The following DPP10 variants were observed in gnomAD, a reference collection of about 807,000 sequenced individuals.
The protein encoded by DPP10 is dipeptidyl peptidase like 10.
In DPP10, 33 loss-of-function variants were observed where a neutral mutation model predicts 120.9. The observed-to-expected ratio is 0.27, with a 90% confidence interval of 0.21 to 0.37. The LOEUF is 0.37. DPP10 is among the 10% of genes least tolerant of loss of function. The probability of loss-of-function intolerance (pLI) is 1.00; values close to 1 mark genes in which losing one functional copy is unlikely to be tolerated. For synonymous variants in DPP10, 337 were observed against 326.1 expected (o/e 1.03, Z -0.36); for missense variants, 816 against 942.8 (o/e 0.87, Z 1.76).
intron 3 of DPP10, among the ~76,000 whole-genome samples, chr2:115,384,345 G>C (rs2066685686): frequency 2.0e-5 from 3 of 151,786 alleles, no homozygotes; most frequent in Admixed American, 2.0e-4. Flanking sequence ...CTGCACTCCA[G>C]CCTAGATAAC....
At chr2:115,009,224 A>G (rs1702080394) in intron 1 of DPP10, among the ~76,000 whole-genome samples, 1 of 150,606 alleles carries the variant, frequency 6.6e-6, no homozygotes, top group Non-Finnish European at 1.5e-5. Context: ...TGTGGCACAT[A>G]TACACCATGG....
chr2:114,961,937 G>A (rs369791756), intron 1 of DPP10, among the ~76,000 whole-genome samples: 4 of 152,046 alleles, frequency 2.6e-5, no homozygotes, highest in African/African-American at 9.7e-5. Context: ...CTGGGCAACA[G>A]AGTTAGACTC....
intron 1 of DPP10, among the ~76,000 whole-genome samples, chr2:114,884,208 T>G (rs913984288): frequency 1.8e-4 from 28 of 152,320 alleles, no homozygotes; most frequent in Admixed American, 9.2e-4. Flanking sequence ...CCTCTACTGT[T>G]TTCATTAGTT....
intron 1 of DPP10, among the ~76,000 whole-genome samples, chr2:114,857,108 G>A (rs13006958): frequency 0.26 from 39,744 of 152,024 alleles, 5,801 homozygotes; most frequent in East Asian, 0.55. Context: ...ATTCTAACAC[G>A]GGTTTACCTG....
At chr2:114,480,637 C>T (rs936581441) in intron 1 of DPP10, among the ~76,000 whole-genome samples, 6 of 140,338 alleles carry the variant, frequency 4.3e-5, no homozygotes, top group Non-Finnish European at 9.0e-5. Flanking sequence ...TGTTCTCACT[C>T]ATAGGTGGGA....
chr2:114,561,281 G>C (rs1662130058), intron 1 of DPP10, among the ~76,000 whole-genome samples: 1 of 152,152 alleles, frequency 6.6e-6, no homozygotes, highest in Admixed American at 6.5e-5. Flanking sequence ...GAAAGACAGG[G>C]TTTTTCTTTG....
intron 7 of DPP10, among the ~76,000 whole-genome samples, chr2:115,716,049 A>G (rs538587966): frequency 6.6e-6 from 1 of 152,362 alleles, no homozygotes; most frequent in Admixed American, 6.5e-5. Context: ...AGAAGGATTA[A>G]GAGATCTAAT....
chr2:115,409,299 C>G (rs999303377), intron 3 of DPP10, among the ~76,000 whole-genome samples: 2 of 151,842 alleles, frequency 1.3e-5, no homozygotes, highest in African/African-American at 2.4e-5. Flanking sequence ...AGATCTATAT[C>G]AAAAAAATGA....
intron 1 of DPP10, among the ~76,000 whole-genome samples, chr2:114,800,448 C>T (rs908814697): frequency 6.6e-6 from 1 of 152,084 alleles, no homozygotes; most frequent in Non-Finnish European, 1.5e-5. Flanking sequence ...AAAATACAAA[C>T]ACTTCACATA....
chr2:115,301,758 G>A (rs563458716), intron 1 of DPP10, among the ~76,000 whole-genome samples: 1 of 151,998 alleles, frequency 6.6e-6, no homozygotes, highest in East Asian at 1.9e-4. Context: ...TTTTTTAGTA[G>A]CTTTATTGTA....
intron 1 of DPP10, among the ~76,000 whole-genome samples, chr2:115,138,941 T>C (rs1438299142): frequency 1.3e-5 from 2 of 152,254 alleles, no homozygotes; most frequent in Non-Finnish European, 2.9e-5. Context: ...TCTTTAAAAT[T>C]GTCAATAACT....
chr2:115,702,632 T>C (rs2091938953), intron 7 of DPP10, among the ~76,000 whole-genome samples: 1 of 152,020 alleles, frequency 6.6e-6, no homozygotes, highest in Non-Finnish European at 1.5e-5. Context: ...TTCATTTATG[T>C]GAAAGTCCAG....
chr2:115,698,791 T>C (rs1224274086), intron 7 of DPP10, among the ~76,000 whole-genome samples: 2 of 152,066 alleles, frequency 1.3e-5, no homozygotes, highest in East Asian at 3.9e-4. Flanking sequence ...CTTTGGTATT[T>C]TGTTATGGAA....
intron 1 of DPP10, among the ~76,000 whole-genome samples, chr2:114,908,465 G>A (rs1240353337): frequency 6.6e-6 from 1 of 151,818 alleles, no homozygotes; most frequent in Non-Finnish European, 1.5e-5. Flanking sequence ...TTGCTTAGTG[G>A]ATGCACTAGG....
chr2:115,446,692 T>A (rs754356759), intron 3 of DPP10, among the ~76,000 whole-genome samples: 4 of 152,272 alleles, frequency 2.6e-5, no homozygotes, highest in Non-Finnish European at 2.9e-5. Flanking sequence ...CATACCCGTC[T>A]GAGTTGCTTT....
intron 1 of DPP10, among the ~76,000 whole-genome samples, chr2:114,863,256 G>C (rs1170714627): frequency 6.6e-6 from 1 of 152,208 alleles, no homozygotes; most frequent in African/African-American, 2.4e-5. Context: ...AAGTTAGCCA[G>C]AATCTGATTC....
At chr2:114,881,498 C>CTCTG (rs70941012) in intron 1 of DPP10, among the ~76,000 whole-genome samples, 140,121 of 149,074 alleles carry the variant, frequency 0.94, 66,363 homozygotes, top group East Asian at 0.99. Context: ...TATCATATCT[C>CTCTG]TCTGTCTGTC....
At chr2:114,978,401 T>A (rs1340735539) in intron 1 of DPP10, among the ~76,000 whole-genome samples, 1 of 152,182 alleles carries the variant, frequency 6.6e-6, no homozygotes, top group Non-Finnish European at 1.5e-5. Context: ...TGAAAAGCTC[T>A]CCTCTATATA....
intron 1 of DPP10, among the ~76,000 whole-genome samples, chr2:115,042,540 A>G (rs1704737319): frequency 6.6e-6 from 1 of 152,246 alleles, no homozygotes; most frequent in African/African-American, 2.4e-5. Flanking sequence ...TGCTGGGATT[A>G]CAGGCGTGAG....
Sources: gnomAD v4.1 joint callset for allele counts (sites outside exome capture counted in the v4.1 genomes callset) on GRCh38, gnomAD v4.1.1 for gene constraint, MANE v1.5 for transcripts, NCBI Gene and HGNC (gene_info 2026-07-23, HGNC 2026-07-21) for gene names.